The following TACR3 variants were observed in gnomAD, a reference collection of about 807,000 sequenced individuals.
The protein encoded by TACR3 is neuromedin-K receptor.
TACR3 carries 34 observed loss-of-function variants against 35.0 expected under a neutral mutation model. That is an observed-to-expected ratio of 0.97 (90% confidence interval 0.74 to 1.30). TACR3 has a LOEUF of 1.30. Ranked by LOEUF, TACR3 falls within the 50% of genes most tolerant of loss-of-function variation. TACR3 has a pLI of 0.00. For synonymous variants in TACR3, 233 were observed against 221.1 expected (o/e 1.05, Z -0.48); for missense variants, 558 against 591.7 (o/e 0.94, Z 0.59).
intron 3 of TACR3, among the ~76,000 whole-genome samples, chr4:103,592,396 G>C (rs140029394): frequency 1.3e-5 from 2 of 152,258 alleles, no homozygotes; most frequent in East Asian, 1.9e-4. Flanking sequence ...TTGTATACTT[G>C]TGAATGATAA....
rs1307380877 is a variant in TACR3 at position 103,588,408 on chromosome 4, C to T, written c.*1274G>A. The T allele has an allele frequency of 1.3e-5, 2 of 152,066 alleles. No homozygotes were observed. Among genetic ancestry groups the T allele is most frequent in the East Asian group, 3.9e-4 (2 of 5,186 alleles). 9.4% of individuals were successfully genotyped at this position (152,066 alleles called of 1,614,324 possible). A position where few individuals can be genotyped will look rare whatever the true frequency, so the allele number is the denominator to read the frequency against. On this transcript the variant is annotated 3_prime_UTR_variant, in exon 5 of 5. Transcript: ENST00000304883. The stretch of plus-strand genomic sequence containing the variant: ...TGAGGCCTGGATGTTACTTTTTACA[C>T]TTAAAAGTATTTCTTGTTATGTTAT...
intron 1 of TACR3, among the ~76,000 whole-genome samples, chr4:103,665,185 C>T (rs548882824): frequency 6.6e-6 from 1 of 151,648 alleles, no homozygotes; most frequent in Admixed American, 6.6e-5. Flanking sequence ...TAATAAATTT[C>T]AAAGTGAATA....
chr4:103,719,725 AAGAC>A lies in TACR3; in HGVS notation c.-54_-51del. On this transcript the variant is annotated 5_prime_UTR_variant, in exon 1 of 5. Transcript: ENST00000304883. The stretch of plus-strand genomic sequence containing the variant: ...CCTCCCACTCACCCACGGGCAGCCC[AAGAC>A]GAGACTCCTCTGAAGTTCTTCTCTG... 1.9e-6 allele frequency: 3 copies of A among 1,598,144 alleles called. No homozygotes were observed. Among genetic ancestry groups the A allele is most frequent in the Non-Finnish European group, 2.5e-6 (3 of 1,177,780 alleles).
intron 1 of TACR3, among the ~76,000 whole-genome samples, chr4:103,663,481 A>T (rs1001079023): frequency 6.6e-6 from 1 of 152,170 alleles, no homozygotes; most frequent in Admixed American, 6.5e-5. Flanking sequence ...GTGACAGAGC[A>T]AGACTCTGTC....
At chr4:103,609,769 C>G (rs1319364907) in intron 3 of TACR3, among the ~76,000 whole-genome samples, 1 of 152,022 alleles carries the variant, frequency 6.6e-6, no homozygotes, top group African/African-American at 2.4e-5. Context: ...TCCTGCCACT[C>G]TCCTCAGCCT....
At chr4:103,670,827 C>T (rs1726041223) in intron 1 of TACR3, among the ~76,000 whole-genome samples, 1 of 152,036 alleles carries the variant, frequency 6.6e-6, no homozygotes, top group Non-Finnish European at 1.5e-5. Flanking sequence ...TCTAACTACT[C>T]TGGCTATGAA....
At chr4:103,701,245 T>C (rs1327870128) in intron 1 of TACR3, among the ~76,000 whole-genome samples, 2 of 151,960 alleles carry the variant, frequency 1.3e-5, no homozygotes, top group Non-Finnish European at 2.9e-5. Flanking sequence ...AGCATTCTTA[T>C]ACACCAATAA....
chr4:103,599,166 T>C (rs573597277), intron 3 of TACR3, among the ~76,000 whole-genome samples: 2 of 152,350 alleles, frequency 1.3e-5, no homozygotes, highest in East Asian at 3.9e-4. Flanking sequence ...AAGAGCTCCT[T>C]CATATCCCTT....
chr4:103,686,035 G>GTTTTAACACT (rs1722225810), intron 1 of TACR3, among the ~76,000 whole-genome samples: 2 of 152,112 alleles, frequency 1.3e-5, no homozygotes, highest in African/African-American at 4.8e-5. Context: ...AACAATCAGT[G>GTTTTAACACT]GTTAAAACAT....
chr4:103,591,369 C>G, intron 4 of TACR3, 118 bp downstream of exon 4: 1 of 1,239,212 alleles, frequency 8.1e-7, no homozygotes, highest in Non-Finnish European at 1.2e-6. Flanking sequence ...TCAGTGAATT[C>G]TTAAATTTTC....
At chr4:103,622,418 T>A (rs1454105855) in intron 3 of TACR3, among the ~76,000 whole-genome samples, 1 of 152,066 alleles carries the variant, frequency 6.6e-6, no homozygotes, top group Non-Finnish European at 1.5e-5. Flanking sequence ...AATGAGTGGA[T>A]GAAGGACATG....
chr4:103,616,275 C>G (rs1724656586), intron 3 of TACR3, among the ~76,000 whole-genome samples: 1 of 150,358 alleles, frequency 6.7e-6, no homozygotes, highest in Non-Finnish European at 1.5e-5. Context: ...GATTCTGGCT[C>G]CCAATAATGG....
intron 4 of TACR3, 186 bp downstream of exon 4, chr4:103,591,301 T>C: frequency 1.5e-6 from 1 of 649,364 alleles, no homozygotes; most frequent in Non-Finnish European, 2.7e-6. Context: ...TAATTATTAA[T>C]GTGGGATGCT....
At chr4:103,602,080 C>T (rs145086631) in intron 3 of TACR3, among the ~76,000 whole-genome samples, 15,034 of 152,164 alleles carry the variant, frequency 0.099, 806 homozygotes, top group Middle Eastern at 0.15. Context: ...AGGCTTTGTT[C>T]ATTTCTTTTT....
intron 1 of TACR3, among the ~76,000 whole-genome samples, chr4:103,694,488 C>T (rs191204249): frequency 2.6e-5 from 4 of 152,222 alleles, no homozygotes; most frequent in South Asian, 2.1e-4. Context: ...ACATGCTTCC[C>T]GTACCAAGTT....
At chr4:103,646,803 G>T (rs565268389) in intron 3 of TACR3, among the ~76,000 whole-genome samples, 25 of 152,050 alleles carry the variant, frequency 1.6e-4, no homozygotes, top group African/African-American at 5.3e-4. Context: ...AAGTGAATGA[G>T]TTCAAATTGT....
intron 1 of TACR3, among the ~76,000 whole-genome samples, chr4:103,669,093 C>T (rs1725998338): frequency 6.6e-6 from 1 of 152,002 alleles, no homozygotes; most frequent in South Asian, 2.1e-4. Flanking sequence ...TGGCTTATTT[C>T]ACTTAACATA....
intron 1 of TACR3, among the ~76,000 whole-genome samples, chr4:103,705,440 A>T (rs1183958587): frequency 6.6e-6 from 1 of 152,172 alleles, no homozygotes; most frequent in African/African-American, 2.4e-5. Context: ...AACCAGTATG[A>T]CAGGCATGAG....
chr4:103,627,741 A>G lies in TACR3; in HGVS notation c.888+28453T>C, dbSNP rs553667383. Among the ~76,000 whole-genome samples, 35 of 152,298 alleles carry G rather than the reference A, an allele frequency of 2.3e-4. 1 individual carries two copies. Among genetic ancestry groups the G allele is most frequent in the Admixed American group, 5.2e-4 (8 of 15,286 alleles). On this transcript the variant is annotated intron_variant, in intron 3 of 4. Transcript: ENST00000304883. ...TCAATATTAGACAGATCAACAAGAC[A>G]GAAGGTTAACAAGGATATCCAGGAC...
Sources: gnomAD v4.1 joint callset for allele counts (sites outside exome capture counted in the v4.1 genomes callset) on GRCh38, gnomAD v4.1.1 for gene constraint, MANE v1.5 for transcripts, NCBI Gene and HGNC (gene_info 2026-07-23, HGNC 2026-07-21) for gene names.